The following PTK2B variants were observed in gnomAD, a reference collection of about 807,000 sequenced individuals.
PTK2B encodes protein tyrosine kinase 2 beta, also known as protein-tyrosine kinase 2-beta.
A neutral mutation model predicts 142.9 loss-of-function variants in PTK2B; 71 were observed. That is an observed-to-expected ratio of 0.50 (90% confidence interval 0.41 to 0.61). PTK2B has a LOEUF of 0.61. PTK2B is among the 20% of genes least tolerant of loss of function. The probability of loss-of-function intolerance (pLI) is 0.00; values close to 1 mark genes in which losing one functional copy is unlikely to be tolerated. For synonymous variants in PTK2B, 519 were observed against 503.4 expected (o/e 1.03, Z -0.42); for missense variants, 1,105 against 1,320.4 (o/e 0.84, Z 2.53).
intron 2 of PTK2B, among the ~76,000 whole-genome samples, chr8:27,399,033 T>C (rs1168745689): frequency 6.6e-6 from 1 of 152,262 alleles, no homozygotes; most frequent in Non-Finnish European, 1.5e-5. Flanking sequence ...GAGTAAGCCC[T>C]GGTCATCTTC....
Position 27,346,338 on chromosome 8 carries a change from T to C in PTK2B, c.-38+20657T>C, listed in dbSNP as rs113216336. ...ATCGTTTGAACCAGGAGTTCAAGAC[T>C]AGCCTGGGCAACATGACGAGACCCT... On this transcript the variant is annotated intron_variant, in intron 1 of 30. Transcript: ENST00000346049. Among the ~76,000 whole-genome samples the C allele has an allele frequency of 4.5e-3, 683 of 152,278 alleles. 1 individual carries two copies. Among genetic ancestry groups the C allele is most frequent in the African/African-American group, 0.016 (653 of 41,560 alleles).
chr8:27,316,831 G>A (rs1047829473), intron 3 of PTK2B, among the ~76,000 whole-genome samples: 6 of 152,098 alleles, frequency 3.9e-5, no homozygotes, highest in African/African-American at 1.4e-4. Context: ...CCTGCCTCTG[G>A]GTCATATTTG....
At chr8:27,414,183 G>A (rs1236405508) in intron 2 of PTK2B, among the ~76,000 whole-genome samples, 1 of 152,124 alleles carries the variant, frequency 6.6e-6, no homozygotes, top group African/African-American at 2.4e-5. Context: ...TTCTTTAAGT[G>A]GAGAAGGATA....
chr8:27,331,211 G>A (rs1460154416), intron 1 of PTK2B, among the ~76,000 whole-genome samples: 1 of 152,122 alleles, frequency 6.6e-6, no homozygotes, highest in Non-Finnish European at 1.5e-5. Context: ...AATAATTGTG[G>A]GGGCAGACCC....
intron 2 of PTK2B, among the ~76,000 whole-genome samples, chr8:27,415,386 A>G (rs551819029): frequency 2.0e-5 from 3 of 152,344 alleles, no homozygotes; most frequent in East Asian, 1.9e-4. Context: ...TCCCATTTGC[A>G]GAGAACACAG....
At chr8:27,349,632 C>T (rs1183732185) in intron 1 of PTK2B, among the ~76,000 whole-genome samples, 1 of 152,234 alleles carries the variant, frequency 6.6e-6, no homozygotes, top group Non-Finnish European at 1.5e-5. Context: ...CGAAGAGCAC[C>T]TGGCATGTCT....
chr8:27,328,262 G>T lies in PTK2B; in HGVS notation c.-38+2581G>T, dbSNP rs528363107. 1.2e-3 allele frequency among the ~76,000 whole-genome samples: 183 copies of T among 152,288 alleles called. 1 individual carries two copies. Among genetic ancestry groups the T allele is most frequent in the Non-Finnish European group, 1.8e-3 (123 of 68,030 alleles). ...TAAAATATTCAGCGCAGACAAATGC[G>T]CCATGAAATTTGGCTGTCATGATTC... On this transcript the variant is annotated intron_variant, in intron 1 of 30. Transcript: ENST00000346049.
At chr8:27,323,672 T>C (rs947047364), upstream of PTK2B, among the ~76,000 whole-genome samples, 1 of 152,152 alleles carries the variant, frequency 6.6e-6, no homozygotes, top group Non-Finnish European at 1.5e-5. Context: ...ATGCATGACC[T>C]TGTCACCTGA....
intron 3 of PTK2B, among the ~76,000 whole-genome samples, chr8:27,314,492 G>A (rs942672581): frequency 8.5e-5 from 13 of 152,212 alleles, no homozygotes; most frequent in African/African-American, 2.7e-4. Flanking sequence ...CTGGAGGCAG[G>A]GAACATAAGG....
chr8:27,404,241 C>T (rs566389484), intron 2 of PTK2B, among the ~76,000 whole-genome samples: 77 of 152,332 alleles, frequency 5.1e-4, no homozygotes, highest in African/African-American at 1.8e-3. Flanking sequence ...AGTTGACCCA[C>T]TCTTTTCATG....
chr8:27,402,097 G>T (rs1467411112), intron 2 of PTK2B, among the ~76,000 whole-genome samples: 1 of 152,164 alleles, frequency 6.6e-6, no homozygotes, highest in Non-Finnish European at 1.5e-5. Context: ...TGCCAGTAAG[G>T]GGGGAAGCCT....
intron 1 of PTK2B, among the ~76,000 whole-genome samples, chr8:27,351,344 T>C (rs1343239591): frequency 6.6e-6 from 1 of 152,004 alleles, no homozygotes; most frequent in Non-Finnish European, 1.5e-5. Flanking sequence ...CCAATCCCTT[T>C]AATCACGGGT....
chr8:27,364,715 G>A (rs964658498), intron 1 of PTK2B, among the ~76,000 whole-genome samples: 1 of 152,190 alleles, frequency 6.6e-6, no homozygotes, highest in African/African-American at 2.4e-5. Flanking sequence ...CTGACTTGAT[G>A]AGTGGCCTCA....
At position 27,453,051 on chromosome 8, in the gene PTK2B, G is replaced by C. The variant is rs1043122257; in HGVS notation, c.2549-63G>C. 1.9e-6 allele frequency: 3 copies of C among 1,579,010 alleles called. No individual in the cohort carries two copies. In the African/African-American group the frequency reaches 4.0e-5, roughly 21 times the overall value. The stretch of plus-strand genomic sequence containing the variant: ...GGAAGGGGCTCATTTGATGTCAGCA[G>C]GTACGAAGGGAAGGGTTGGAGTGCT... On this transcript the variant is annotated intron_variant, in intron 27 of 30. Transcript: ENST00000346049.
chr8:27,445,153 T>A, intron 23 of PTK2B, among the ~76,000 whole-genome samples: 1 of 152,156 alleles, frequency 6.6e-6, no homozygotes, highest in Middle Eastern at 3.2e-3. Context: ...GAGGATTCAT[T>A]GAGCTCAGGA....
intron 1 of PTK2B, among the ~76,000 whole-genome samples, chr8:27,366,595 C>T (rs1032159538): frequency 1.3e-5 from 2 of 152,238 alleles, no homozygotes; most frequent in Non-Finnish European, 1.5e-5. Context: ...TACCACTTGG[C>T]GTCTAGCTCC....
At chr8:27,323,328 GGGGTAA>G (rs1185658002), upstream of PTK2B, 1 of 152,198 alleles carries the variant, frequency 6.6e-6, no homozygotes, top group East Asian at 1.9e-4. Context: ...ACCTGAGTTT[GGGGTAA>G]GAGTGGAACA....
intron 5 of PTK2B, among the ~76,000 whole-genome samples, chr8:27,429,769 T>A (rs1446507918): frequency 6.6e-6 from 1 of 152,170 alleles, no homozygotes; most frequent in Non-Finnish European, 1.5e-5. Context: ...CCTAGGCTGA[T>A]CATTCAAGCA....
At chr8:27,398,080 C>T (rs1268436892) in intron 2 of PTK2B, among the ~76,000 whole-genome samples, 1 of 152,236 alleles carries the variant, frequency 6.6e-6, no homozygotes, top group African/African-American at 2.4e-5. Context: ...ATTTATGATA[C>T]TTGAAGCTCT....
Sources: gnomAD v4.1 joint callset for allele counts (sites outside exome capture counted in the v4.1 genomes callset) on GRCh38, gnomAD v4.1.1 for gene constraint, MANE v1.5 for transcripts, NCBI Gene and HGNC (gene_info 2026-07-23, HGNC 2026-07-21) for gene names.